The following VPS50 variants were observed in gnomAD, a reference collection of about 807,000 sequenced individuals.
VPS50 encodes syndetin.
VPS50 carries 70 observed loss-of-function variants against 139.7 expected under a neutral mutation model. The observed-to-expected ratio is 0.50, with a 90% CI of 0.41 to 0.61. The LOEUF (loss-of-function observed/expected upper bound fraction) is 0.61. Ranked by LOEUF, VPS50 falls within the 20% of genes least tolerant of loss-of-function variation. The pLI is 0.00. For synonymous variants in VPS50, 365 were observed against 376.7 expected, an observed-to-expected ratio of 0.97 and a Z score of 0.36; for missense variants, 921 against 1,133.7, an observed-to-expected ratio of 0.81 and a Z score of 2.69.
intron 9 of VPS50, among the ~76,000 whole-genome samples, chr7:93,266,468 T>C (rs997627501): frequency 6.6e-6 from 1 of 152,256 alleles, no homozygotes; most frequent in African/African-American, 2.4e-5. Context: ...TCTTTATTTC[T>C]ATGCAACCTT....
chr7:93,331,248 T>TGAA (rs1797932578), intron 21 of VPS50, among the ~76,000 whole-genome samples: 5 of 150,304 alleles, frequency 3.3e-5, no homozygotes, highest in Admixed American at 6.6e-5. Context: ...TTTTTTTTTT[T>TGAA]GAAGAAATTT....
chr7:93,282,215 A>C (rs906808679), intron 12 of VPS50, among the ~76,000 whole-genome samples: 3 of 152,064 alleles, frequency 2.0e-5, no homozygotes, highest in Admixed American at 6.6e-5. Flanking sequence ...AAAAAAAAAA[A>C]ACAAAAAACA....
In VPS50 at chr7:93,359,561, G is replaced by T. The variant is rs1390013052; in HGVS notation, c.*1125G>T. The T allele has an allele frequency of 2.0e-5, 3 of 152,094 alleles. No homozygotes were observed. Among genetic ancestry groups the T allele is most frequent in the Non-Finnish European group, 4.4e-5 (3 of 68,020 alleles). The allele number at this position is 152,094 out of a possible 1,614,324, so 9.4% of individuals were successfully genotyped here. On this transcript the variant is annotated 3_prime_UTR_variant, in exon 28 of 28. Transcript: ENST00000305866. ...TGCCAACTGTCTGATAAGGAATTTTGTGTGTGTTCTTTCTGACTGGAGAGT... is the reference window on the plus strand; with the variant it reads ...TGCCAACTGTCTGATAAGGAATTTTTTGTGTGTTCTTTCTGACTGGAGAGT...
At chr7:93,333,869 C>G in intron 21 of VPS50, 1 of 407,508 alleles carries the variant, frequency 2.5e-6, no homozygotes, top group South Asian at 2.9e-5. Context: ...CTGGAGAACT[C>G]TCTCCTGATA....
At position 93,270,485 on chromosome 7, in the gene VPS50, A is replaced by G. The variant is rs185896969; in HGVS notation, c.660-735A>G. 2.3e-3 allele frequency among the ~76,000 whole-genome samples: 356 copies of G among 152,154 alleles called. 2 individuals are homozygous for G. Among genetic ancestry groups the G allele is most frequent in the African/African-American group, 7.8e-3 (326 of 41,540 alleles). ...CTATAGGATTTTATTTTATGAATGT[A>G]TCACATTTTGCTTATCTAATTATTC... On this transcript the variant is annotated intron_variant, in intron 9 of 27. Coordinates refer to ENST00000305866, the MANE Select transcript of VPS50 (RefSeq NM_017667.4).
At chr7:93,244,308 G>A (rs767176071) in intron 2 of VPS50, among the ~76,000 whole-genome samples, 11 of 151,820 alleles carry the variant, frequency 7.2e-5, no homozygotes, top group South Asian at 4.1e-4. Flanking sequence ...CAGATAAACC[G>A]ATTTGACTTG....
chr7:93,321,842 T>A (rs1286228701), intron 20 of VPS50, among the ~76,000 whole-genome samples: 1 of 152,236 alleles, frequency 6.6e-6, no homozygotes, highest in Admixed American at 6.5e-5. Flanking sequence ...ATCTTTGTTT[T>A]TTTGTTTTTA....
At chr7:93,297,054 AT>A (rs899294180) in intron 15 of VPS50, 90 bp from the exon 16 acceptor site, 9 of 1,481,894 alleles carry the variant, frequency 6.1e-6, no homozygotes, top group African/African-American at 1.5e-5. Context: ...AATTTTAGTG[AT>A]TTTTTTTATC....
chr7:93,276,105 G>A, intron 11 of VPS50, 60 bp from the exon 12 acceptor site: 1 of 1,437,160 alleles, frequency 7.0e-7, no homozygotes, highest in South Asian at 1.5e-5. Context: ...TTTTCAATTT[G>A]TTGAAATTTA....
intron 12 of VPS50, among the ~76,000 whole-genome samples, chr7:93,284,853 A>C (rs1453874121): frequency 6.6e-6 from 1 of 152,216 alleles, no homozygotes; most frequent in Non-Finnish European, 1.5e-5. Context: ...TCTTTCCACT[A>C]TGCAGTACTA....
At chr7:93,341,634 G>T in intron 23 of VPS50, 59 bp downstream of exon 23, 1 of 1,226,252 alleles carries the variant, frequency 8.2e-7, no homozygotes, top group African/African-American at 1.6e-5. Context: ...TATAAAAGAA[G>T]CATTGTTTAA....
Position 93,253,971 on chromosome 7 carries a change from T to C in VPS50, c.297+40T>C, listed in dbSNP as rs200618096. On this transcript the variant is annotated intron_variant, in intron 4 of 27. Coordinates refer to ENST00000305866, the MANE Select transcript of VPS50 (RefSeq NM_017667.4). Reference sequence around the variant, plus strand: ...AACACATTTCTTTCTGGCAAAACTCTAGATGAAACACAACAGAGAGGTATA... The same window carrying C: ...AACACATTTCTTTCTGGCAAAACTCCAGATGAAACACAACAGAGAGGTATA... 58 of 1,094,888 alleles carry C rather than the reference T, an allele frequency of 5.3e-5. No homozygotes were observed. In the East Asian group the frequency reaches 9.5e-4, roughly 18 times the overall value. The allele number at this position is 1,094,888 out of a possible 1,614,324, so 67.8% of individuals were successfully genotyped here.
intron 2 of VPS50, chr7:93,245,967 A>T (rs1257112130): frequency 1.3e-5 from 8 of 633,084 alleles, no homozygotes; most frequent in Non-Finnish European, 1.9e-5. Context: ...TTGGAAAGAG[A>T]TAAAATCTAT....
intron 13 of VPS50, 100 bp from the exon 14 acceptor site, chr7:93,294,445 T>G: frequency 9.9e-7 from 1 of 1,010,722 alleles, no homozygotes. Context: ...TACTGTATCT[T>G]ACATAGACTT....
At chr7:93,236,908 G>T in intron 1 of VPS50, among the ~76,000 whole-genome samples, 1 of 132,410 alleles carries the variant, frequency 7.6e-6, no homozygotes. Context: ...AGTATTTTTG[G>T]CTTCTCACAT....
intron 1 of VPS50, among the ~76,000 whole-genome samples, chr7:93,235,018 G>A (rs1794757842): frequency 6.6e-6 from 1 of 152,180 alleles, no homozygotes; most frequent in Non-Finnish European, 1.5e-5. Flanking sequence ...AAAGTCCTGG[G>A]AATTGTTGGT....
intron 21 of VPS50, among the ~76,000 whole-genome samples, chr7:93,329,500 G>A (rs937076465): frequency 4.0e-5 from 6 of 151,688 alleles, no homozygotes; most frequent in Admixed American, 1.3e-4. Flanking sequence ...ATACTAGATG[G>A]AGAAGAAGAG....
In VPS50 at chr7:93,301,309, A is replaced by G. The variant is rs192680161; in HGVS notation, c.1362-2151A>G. Reference sequence around the variant, plus strand: ...GAGACTCTGTCTTGAAAAAAAAAAAAAAAGAAATACGTTGTTGTAATGGTT... The same window carrying G: ...GAGACTCTGTCTTGAAAAAAAAAAAGAAAGAAATACGTTGTTGTAATGGTT... On this transcript the variant is annotated intron_variant, in intron 16 of 27. Coordinates refer to ENST00000305866, the MANE Select transcript of VPS50 (RefSeq NM_017667.4). Among the ~76,000 whole-genome samples the G allele has an allele frequency of 4.1e-3, 631 of 152,104 alleles. 5 individuals carry two copies. Among genetic ancestry groups the G allele is most frequent in the Non-Finnish European group, 6.0e-3 (409 of 67,944 alleles).
rs1385214637 is a variant in VPS50 at position 93,359,976 on chromosome 7, G to A, written c.*1540G>A. The A allele has an allele frequency of 6.6e-6, 1 of 152,118 alleles. No homozygotes were observed. Among genetic ancestry groups the A allele is most frequent in the Non-Finnish European group, 1.5e-5 (1 of 68,008 alleles). The allele number at this position is 152,118 out of a possible 1,614,324, so 9.4% of individuals were successfully genotyped here. ...AGTTTGGTGCCATTATGATTTGGTT[G>A]TGGCTAGATTATATACTTGTGAAGT... On this transcript the variant is annotated 3_prime_UTR_variant, in exon 28 of 28. Coordinates refer to ENST00000305866, the MANE Select transcript of VPS50 (RefSeq NM_017667.4).
Sources: gnomAD v4.1 joint callset for allele counts (sites outside exome capture counted in the v4.1 genomes callset) on GRCh38, gnomAD v4.1.1 for gene constraint, MANE v1.5 for transcripts, NCBI Gene and HGNC (gene_info 2026-07-23, HGNC 2026-07-21) for gene names.